Variants in BIRC6 observed in about 807,000 individuals in gnomAD.
BIRC6 encodes baculoviral IAP repeat containing 6.
BIRC6 carries 98 observed loss-of-function variants against 503.3 expected under a neutral mutation model. The observed-to-expected ratio is 0.19, with a 90% CI of 0.17 to 0.23. The LOEUF is 0.23. BIRC6 is among the 10% of genes least tolerant of loss of function. BIRC6 has a pLI of 1.00. For synonymous variants in BIRC6, 2,240 were observed against 2,078.7 expected, an observed-to-expected ratio of 1.08 and a Z score of -2.11; for missense variants, 5,360 against 5,806.0, an observed-to-expected ratio of 0.92 and a Z score of 2.50.
chr2:32,610,748 C>T (rs2062811579), intron 72 of BIRC6, among the ~76,000 whole-genome samples: 2 of 152,140 alleles, frequency 1.3e-5, no homozygotes. Context: ...TTTGTTTTCT[C>T]TTTTCTCTCC....
intron 31 of BIRC6, 51 bp from the exon 32 acceptor site, chr2:32,470,963 G>A: frequency 1.3e-6 from 2 of 1,528,366 alleles, no homozygotes; most frequent in Non-Finnish European, 1.8e-6. Flanking sequence ...GATCTAATTA[G>A]GAATCCTAAA....
intron 66 of BIRC6, 50 bp from the exon 67 acceptor site, chr2:32,593,865 C>G (rs927389178): frequency 6.6e-7 from 1 of 1,514,056 alleles, no homozygotes; most frequent in African/African-American, 1.4e-5. Context: ...GTGTTTTAGT[C>G]CTAAAATCTT....
intron 47 of BIRC6, 96 bp downstream of exon 47, chr2:32,501,984 A>G (rs2053248854): frequency 6.8e-6 from 8 of 1,183,474 alleles, no homozygotes; most frequent in Non-Finnish European, 9.5e-6. Flanking sequence ...TATATTTATT[A>G]TATATCGGAC....
intron 66 of BIRC6, among the ~76,000 whole-genome samples, chr2:32,592,585 G>C (rs1445049785): frequency 6.6e-6 from 1 of 150,508 alleles, no homozygotes; most frequent in African/African-American, 2.4e-5. Flanking sequence ...AGTATTATTT[G>C]TTAAGGATTC....
At position 32,499,891 on chromosome 2, in the gene BIRC6, G is replaced by T; in HGVS notation, c.8813G>T (p.Arg2938Met). The T allele has an allele frequency of 6.2e-7, 1 of 1,614,000 alleles. No individual in the cohort carries two copies. Among genetic ancestry groups the T allele is most frequent in the Non-Finnish European group, 8.5e-7 (1 of 1,179,880 alleles). ...GTGCAGCTGCCTCTTTCAGGCAATAGGGAATACAGTGCAAGAGTGTCTGTG... is the reference window on the plus strand; with the variant it reads ...GTGCAGCTGCCTCTTTCAGGCAATATGGAATACAGTGCAAGAGTGTCTGTG... ...ILVQLPLSGN[R>M]EYSARVSVTT... Residue 2938 changes from arginine to methionine, a missense_variant, in exon 46 of 74, where the codon AGG becomes ATG. This residue lies in a region of BIRC6 where 2,299 missense variants were observed against 2,267.2 expected (regional missense o/e 1.01). Coordinates refer to ENST00000421745, the MANE Select transcript of BIRC6 (RefSeq NM_016252.4).
chr2:32,364,476 C>T (rs968967411), intron 1 of BIRC6, among the ~76,000 whole-genome samples: 17 of 152,048 alleles, frequency 1.1e-4, no homozygotes, highest in African/African-American at 4.8e-5. Context: ...TTCCTGACCT[C>T]GTGATCCGCC....
chr2:32,504,396 G>A (rs1441429613), intron 49 of BIRC6, among the ~76,000 whole-genome samples: 47 of 152,030 alleles, frequency 3.1e-4, no homozygotes, highest in Admixed American at 2.6e-3. Flanking sequence ...GGCTGGGCGC[G>A]GTGGCTCATG....
chr2:32,357,375 A>G lies in BIRC6; in HGVS notation c.214A>G (p.Ser72Gly), dbSNP rs1050115314. 4 of 1,548,372 alleles carry G rather than the reference A, an allele frequency of 2.6e-6. No individual in the cohort carries two copies. Among genetic ancestry groups the G allele is most frequent in the African/African-American group, 1.4e-5 (1 of 72,918 alleles). ...CMHCDADGLH[S>G]LSYHPALNAI... ...GCACTGCGACGCCGACGGGCTGCAC[A>G]GCCTGTCCTACCACCCTGCGCTCAA... is the stretch of plus-strand genomic sequence containing the variant. The change falls in exon 1 of 74, where the codon AGC becomes GGC. Residue 72 changes from serine (S) to glycine (G), a missense_variant. Ser to Gly is a moderately conservative substitution (Grantham distance 56). Transcript: ENST00000421745. This position sits in a 1 kb window ranked among gnomAD's most constrained non-coding sequence, Gnocchi z 4.9.
rs1319040725 is a variant in BIRC6, at chr2:32,503,065, A to G, written c.9328A>G (p.Asn3110Asp). ...AGGTGGTGTTCAGCTCATATGCAAT[A>G]ATATGGTTACTAGTACAAGGGCTAT... Reference protein sequence around the residue: ...DMGGVQLICNNMVTSTRAIVN... With the variant: ...DMGGVQLICNDMVTSTRAIVN... The change falls in exon 49 of 74, where the codon AAT (asparagine) becomes GAT (aspartate). Residue 3110 changes from asparagine (N) to aspartate (D), a missense_variant. Around this residue, in one of 16 missense-constraint regions of BIRC6, gnomAD observed 267 missense variants for 287.6 expected, o/e 0.93. Transcript: ENST00000421745. 2 of 1,603,948 alleles carry G rather than the reference A, an allele frequency of 1.2e-6. No homozygotes were observed. The highest frequency in any genetic ancestry group is 3.4e-5 in the Admixed American group (2 of 57,996).
chr2:32,365,870 T>A (rs559675291), intron 1 of BIRC6, among the ~76,000 whole-genome samples: 35 of 148,568 alleles, frequency 2.4e-4, no homozygotes, highest in Admixed American at 5.3e-4. Context: ...TTTTATTTTT[T>A]AATTTAATTT....
chr2:32,456,237 G>C (rs547409967), intron 23 of BIRC6, among the ~76,000 whole-genome samples: 1 of 152,142 alleles, frequency 6.6e-6, no homozygotes, highest in Non-Finnish European at 1.5e-5. Context: ...TTGAACAGTG[G>C]TTGAGTAAGG....
At chr2:32,503,348 TACAA>T (rs768208129) in intron 49 of BIRC6, 112 bp downstream of exon 49, 37 of 852,462 alleles carry the variant, frequency 4.3e-5, no homozygotes, top group Non-Finnish European at 6.0e-5. Flanking sequence ...CTATTTTAAT[TACAA>T]ACAGTTTATT....
At chr2:32,383,953 A>G (rs1426653745) in intron 3 of BIRC6, among the ~76,000 whole-genome samples, 1 of 152,218 alleles carries the variant, frequency 6.6e-6, no homozygotes, top group East Asian at 1.9e-4. Flanking sequence ...GTTACTTAGC[A>G]TCAATCCAGG....
At position 32,617,962 on chromosome 2, in the gene BIRC6, C is replaced by A; in HGVS notation, c.*58C>A. On this transcript the variant is annotated 3_prime_UTR_variant, in exon 74 of 74. Transcript: ENST00000421745. ...GCTTCGAAGCACAAGCCAAATATGT[C>A]AATATTTGTATGTAAGAAACTAATT... is the stretch of plus-strand genomic sequence containing the variant. 6.8e-7 allele frequency: 1 copy of A among 1,469,832 alleles called. No individual in the cohort carries two copies. The highest frequency in any genetic ancestry group is 1.3e-5 in the South Asian group (1 of 79,216). 91.0% of individuals were successfully genotyped at this position (1,469,832 alleles called of 1,614,324 possible).
At chr2:32,361,184 C>G (rs2034020982) in intron 1 of BIRC6, among the ~76,000 whole-genome samples, 1 of 152,128 alleles carries the variant, frequency 6.6e-6, no homozygotes, top group Non-Finnish European at 1.5e-5. Flanking sequence ...ATCTGCCCAC[C>G]TTGGCCTCCC....
In BIRC6 at chr2:32,525,017, C is replaced by T. The variant is rs1289019278; in HGVS notation, c.11753C>T (p.Ser3918Phe). The part of the protein sequence containing the change: ...FQDNYSVVVA[S>F]GLKSQSKRAV... ...GACAATTACAGTGTTGTTGTTGCCT[C>T]TGGTATGCTTTCTATTTTTTATAAT... is the stretch of plus-strand genomic sequence containing the variant. The change falls in exon 58 of 74, where the codon TCT becomes TTT. Residue 3918 changes from serine (S) to phenylalanine (F), a missense_variant and splice_region_variant. Physicochemically the swap from Ser to Phe is radical, Grantham distance 155 (BLOSUM62 -2). This residue lies in a region of BIRC6 where 878 missense variants were observed against 928.9 expected (regional missense o/e 0.95). Coordinates refer to ENST00000421745, the MANE Select transcript of BIRC6 (RefSeq NM_016252.4). 6.5e-7 allele frequency: 1 copy of T among 1,527,654 alleles called. No individual in the cohort carries two copies. The highest frequency in any genetic ancestry group is 2.4e-5 in the East Asian group (1 of 42,128). 94.6% of individuals were successfully genotyped at this position (1,527,654 alleles called of 1,614,324 possible).
At chr2:32,565,666 A>G (rs1336345947) in intron 65 of BIRC6, 1 of 152,216 alleles carries the variant, frequency 6.6e-6, no homozygotes, top group Non-Finnish European at 1.5e-5. Flanking sequence ...CACTGCTATA[A>G]AGAACTGCCT....
At chr2:32,441,738 A>G (rs1316433455) in intron 17 of BIRC6, among the ~76,000 whole-genome samples, 2 of 152,136 alleles carry the variant, frequency 1.3e-5, no homozygotes, top group African/African-American at 2.4e-5. Flanking sequence ...CTATAGTCCT[A>G]GCTACTCAAG....
intron 25 of BIRC6, 53 bp from the exon 26 acceptor site, chr2:32,465,012 G>C: frequency 7.5e-7 from 1 of 1,334,682 alleles, no homozygotes. Flanking sequence ...AGTTTTTATA[G>C]AACTATAGTA....
Sources: allele counts gnomAD v4.1 joint callset (sites outside exome capture counted in the v4.1 genomes callset), GRCh38; gene constraint gnomAD v4.1.1; regional missense constraint gnomAD v4.1.1; non-coding constraint Gnocchi (gnomAD v3.1); transcripts MANE v1.5; gene names NCBI Gene and HGNC (gene_info 2026-07-23, HGNC 2026-07-21).